Variants in LRMDA observed in about 807,000 individuals in gnomAD.
LRMDA encodes the protein leucine rich melanocyte differentiation associated, also known as leucine-rich melanocyte differentiation-associated protein.
LRMDA carries 18 observed loss-of-function variants against 29.8 expected under a neutral mutation model. The observed-to-expected ratio is 0.60, with a 90% confidence interval of 0.42 to 0.90. The LOEUF is 0.90. LRMDA is among the 40% of genes least tolerant of loss of function. LRMDA has a pLI of 0.00. For missense variants in LRMDA, 273 were observed against 273.9 expected, an observed-to-expected ratio of 1.00 and a Z score of 0.02; for synonymous variants, 125 against 109.4, an observed-to-expected ratio of 1.14 and a Z score of -0.89.
intron 6 of LRMDA, among the ~76,000 whole-genome samples, chr10:76,554,801 GA>G (rs34666734): frequency 0.82 from 124,385 of 151,458 alleles, 53,507 homozygotes; most frequent in Non-Finnish European, 0.97. Context: ...AGAAAGGGAA[GA>G]AAAAAAAAGC....
At chr10:75,529,853 A>G (rs944209719) in intron 2 of LRMDA, among the ~76,000 whole-genome samples, 4 of 152,224 alleles carry the variant, frequency 2.6e-5, no homozygotes, top group Non-Finnish European at 4.4e-5. Flanking sequence ...GGAAAAATGG[A>G]GGCAGGAATA....
chr10:75,901,254 A>G (rs755142373), intron 2 of LRMDA, among the ~76,000 whole-genome samples: 6 of 151,800 alleles, frequency 4.0e-5, no homozygotes, highest in Non-Finnish European at 7.4e-5. Flanking sequence ...GGCATGTTCA[A>G]CCTGAATTCA....
chr10:76,162,484 T>C (rs1412734854), intron 5 of LRMDA, among the ~76,000 whole-genome samples: 1 of 152,182 alleles, frequency 6.6e-6, no homozygotes, highest in East Asian at 1.9e-4. Context: ...CTGCAGCCTG[T>C]ACCAGAAGCA....
At chr10:75,490,895 G>T (rs1844979245) in intron 2 of LRMDA, among the ~76,000 whole-genome samples, 2 of 152,132 alleles carry the variant, frequency 1.3e-5, no homozygotes, top group Non-Finnish European at 2.9e-5. Flanking sequence ...GGTCACACTG[G>T]CAATGGAATC....
At chr10:75,982,458 T>G (rs1384350245) in intron 2 of LRMDA, among the ~76,000 whole-genome samples, 2 of 152,132 alleles carry the variant, frequency 1.3e-5, no homozygotes, top group Non-Finnish European at 2.9e-5. Context: ...ACGAGACCAT[T>G]GTGGAGTTGT....
chr10:75,565,060 A>G (rs1840352541), intron 2 of LRMDA, among the ~76,000 whole-genome samples: 1 of 152,154 alleles, frequency 6.6e-6, no homozygotes, highest in Admixed American at 6.5e-5. Flanking sequence ...GATCATTTTG[A>G]TTGACTGATC....
At chr10:76,484,234 C>T (rs370162490) in intron 6 of LRMDA, among the ~76,000 whole-genome samples, 36 of 151,728 alleles carry the variant, frequency 2.4e-4, no homozygotes, top group African/African-American at 8.7e-4. Flanking sequence ...ATCTTCTCCT[C>T]CTTCTCCTTC....
chr10:76,204,939 A>C (rs1851506611), intron 5 of LRMDA, among the ~76,000 whole-genome samples: 1 of 152,218 alleles, frequency 6.6e-6, no homozygotes, highest in African/African-American at 2.4e-5. Flanking sequence ...TTACTGGCAG[A>C]GTCTGATATG....
At chr10:75,563,358 C>T (rs1840325312) in intron 2 of LRMDA, among the ~76,000 whole-genome samples, 4 of 152,124 alleles carry the variant, frequency 2.6e-5, no homozygotes, top group Admixed American at 2.6e-4. Flanking sequence ...ACGTAGTTCT[C>T]AATCCTTGGC....
chr10:75,483,613 A>C (rs150499046), intron 2 of LRMDA, among the ~76,000 whole-genome samples: 99 of 152,322 alleles, frequency 6.5e-4, no homozygotes, highest in African/African-American at 2.2e-3. Flanking sequence ...GCAAAAATAA[A>C]AGGGCTTGTA....
chr10:76,069,748 C>T (rs543836569), intron 5 of LRMDA, among the ~76,000 whole-genome samples: 2 of 151,974 alleles, frequency 1.3e-5, no homozygotes, highest in Admixed American at 1.3e-4. Flanking sequence ...CTATCTGGCT[C>T]GGTGACCTGT....
At chr10:76,517,705 T>C (rs1050027076) in intron 6 of LRMDA, among the ~76,000 whole-genome samples, 2 of 151,994 alleles carry the variant, frequency 1.3e-5, no homozygotes, top group Admixed American at 1.3e-4. Context: ...CAACACTTTC[T>C]TTATTAAAAC....
At chr10:75,602,803 GTTCAGA>G (rs777515901) in intron 2 of LRMDA, among the ~76,000 whole-genome samples, 1 of 152,142 alleles carries the variant, frequency 6.6e-6, no homozygotes, top group Non-Finnish European at 1.5e-5. Context: ...ATTAAAAAAA[GTTCAGA>G]TTCAGGATAG....
chr10:76,442,273 G>T (rs957445324), intron 6 of LRMDA, among the ~76,000 whole-genome samples: 1 of 152,092 alleles, frequency 6.6e-6, no homozygotes, highest in Non-Finnish European at 1.5e-5. Flanking sequence ...CTGAACATGG[G>T]GTCCTGTGAC....
At chr10:76,035,393 G>A (rs1848223840) in intron 2 of LRMDA, among the ~76,000 whole-genome samples, 1 of 151,984 alleles carries the variant, frequency 6.6e-6, no homozygotes, top group Non-Finnish European at 1.5e-5. Context: ...GCAGCCACTG[G>A]GACGCTGGGC....
intron 5 of LRMDA, among the ~76,000 whole-genome samples, chr10:76,104,841 G>A (rs1051066929): frequency 6.6e-6 from 1 of 152,024 alleles, no homozygotes; most frequent in East Asian, 1.9e-4. Context: ...GCCTTGCCCT[G>A]TCTCATGTCC....
chr10:76,093,357 AAAAG>A (rs1191271521), intron 5 of LRMDA, among the ~76,000 whole-genome samples: 4 of 151,866 alleles, frequency 2.6e-5, no homozygotes, highest in African/African-American at 9.7e-5. Context: ...AAAAAAAAAA[AAAAG>A]AAAGGATCTT....
intron 2 of LRMDA, among the ~76,000 whole-genome samples, chr10:75,601,651 G>A (rs558879271): frequency 6.6e-6 from 1 of 152,066 alleles, no homozygotes; most frequent in Non-Finnish European, 1.5e-5. Flanking sequence ...TGGTAATTTG[G>A]TATTAAATTT....
chr10:76,159,275 A>G (rs1850599847), intron 5 of LRMDA, among the ~76,000 whole-genome samples: 1 of 152,192 alleles, frequency 6.6e-6, no homozygotes. Context: ...TGAATATTAA[A>G]AACTTTATGA....
Sources: gnomAD v4.1 joint callset for allele counts (sites outside exome capture counted in the v4.1 genomes callset) on GRCh38, gnomAD v4.1.1 for gene constraint, MANE v1.5 for transcripts, NCBI Gene and HGNC (gene_info 2026-07-23, HGNC 2026-07-21) for gene names.